EPHB2: variants seen among roughly 807,000 people sequenced by gnomAD.
EPHB2 encodes the protein EPH receptor B2, also known as ephrin type-B receptor 2.
A neutral mutation model predicts 96.4 loss-of-function variants in EPHB2; 18 were observed. The observed-to-expected ratio is 0.19, with a 90% CI of 0.13 to 0.28. The LOEUF (loss-of-function observed/expected upper bound fraction) is 0.28. EPHB2 is among the 10% of genes least tolerant of loss of function. The pLI, the probability that EPHB2 is intolerant of heterozygous loss-of-function variation, is 1.00. For missense variants in EPHB2, 989 were observed against 1,355.4 expected (o/e 0.73, Z 4.25); for synonymous variants, 506 against 534.1 (o/e 0.95, Z 0.72).
chr1:22,767,553 A>G (rs906485440), intron 1 of EPHB2, among the ~76,000 whole-genome samples: 1 of 152,170 alleles, frequency 6.6e-6, no homozygotes, highest in African/African-American at 2.4e-5. Flanking sequence ...CTCAGGTGCT[A>G]TGCTGGGTGT....
At chr1:22,772,275 G>A (rs1282803185) in intron 1 of EPHB2, among the ~76,000 whole-genome samples, 1 of 152,186 alleles carries the variant, frequency 6.6e-6, no homozygotes, top group Non-Finnish European at 1.5e-5. Flanking sequence ...GCGGCAGGCA[G>A]GCAGGGGACA....
chr1:22,893,083 C>T (rs1212794532), intron 7 of EPHB2, 37 bp downstream of exon 7: 3 of 1,613,902 alleles, frequency 1.9e-6, no homozygotes, highest in South Asian at 1.1e-5. Context: ...AGGGCACAGA[C>T]TCCACAAACA....
intron 3 of EPHB2, among the ~76,000 whole-genome samples, chr1:22,812,737 C>T (rs901465347): frequency 5.3e-5 from 8 of 152,200 alleles, no homozygotes; most frequent in Non-Finnish European, 8.8e-5. Context: ...TTGGAGCAAG[C>T]CTGGTTAGAT....
intron 3 of EPHB2, among the ~76,000 whole-genome samples, chr1:22,792,811 A>ACTG (rs1430953044): frequency 1.3e-5 from 2 of 152,166 alleles, no homozygotes; most frequent in Admixed American, 1.3e-4. Flanking sequence ...TGACAGATAC[A>ACTG]TCTACAGACA....
chr1:22,764,039 ACG>A (rs1413677939), intron 1 of EPHB2, among the ~76,000 whole-genome samples: 5 of 152,082 alleles, frequency 3.3e-5, no homozygotes, highest in African/African-American at 1.2e-4. Flanking sequence ...CCCACATCTC[ACG>A]ATTCCTAATC....
chr1:22,727,267 C>T (rs1316638950), intron 1 of EPHB2, among the ~76,000 whole-genome samples: 3 of 152,380 alleles, frequency 2.0e-5, no homozygotes, highest in Non-Finnish European at 4.4e-5. Flanking sequence ...CAGCCAGCTA[C>T]TCCAGCAGTT....
At chr1:22,852,390 C>T (rs959246907) in intron 3 of EPHB2, among the ~76,000 whole-genome samples, 1 of 152,220 alleles carries the variant, frequency 6.6e-6, no homozygotes, top group African/African-American at 2.4e-5. Context: ...GGCAGCCACA[C>T]AACACTTGGA....
rs1638821215 is a variant in EPHB2, at chr1:22,875,869, T to G, written c.1304-6490T>G. Reference sequence around the variant, plus strand: ...ATCTCGGAGGAGTTGACATTTGAGCTGAGACTTCAATGAAGAGGAGGATTT... The same window carrying G: ...ATCTCGGAGGAGTTGACATTTGAGCGGAGACTTCAATGAAGAGGAGGATTT... On this transcript the variant is annotated intron_variant, in intron 5 of 15. Coordinates refer to ENST00000374630, the MANE Select transcript of EPHB2 (RefSeq NM_017449.5). The surrounding 1 kb of genome is among the most constrained non-coding windows in gnomAD (Gnocchi z 4.2). 6.6e-6 allele frequency among the ~76,000 whole-genome samples: 1 copy of G among 151,834 alleles called. No individual in the cohort carries two copies. The highest frequency in any genetic ancestry group is 2.4e-5 in the African/African-American group (1 of 41,314).
chr1:22,851,353 A>G (rs371102620), intron 3 of EPHB2, among the ~76,000 whole-genome samples: 3 of 152,196 alleles, frequency 2.0e-5, no homozygotes, highest in East Asian at 3.9e-4. Flanking sequence ...GGGCGACATG[A>G]GCTGATGGCT....
chr1:22,882,216 C>T lies in EPHB2; in HGVS notation c.1304-143C>T, dbSNP rs575010829. The T allele has an allele frequency of 1.2e-4, 178 of 1,447,862 alleles. No individual in the cohort carries two copies. The South Asian group carries it at 1.7e-3, about 14-fold the overall frequency. The allele number at this position is 1,447,862 out of a possible 1,614,324, so 89.7% of individuals were successfully genotyped here. On this transcript the variant is annotated intron_variant, in intron 5 of 15. Transcript: ENST00000374630. ...GCCCCTCTGCCCCCTGTCGGCTCCCCGAGACTGGCTCTGTGGCCTCAGCCA... is the reference window on the plus strand; with the variant it reads ...GCCCCTCTGCCCCCTGTCGGCTCCCTGAGACTGGCTCTGTGGCCTCAGCCA...
chr1:22,830,623 T>G (rs184151872), intron 3 of EPHB2, among the ~76,000 whole-genome samples: 8 of 152,300 alleles, frequency 5.3e-5, no homozygotes, highest in Admixed American at 3.3e-4. Flanking sequence ...AGTGGTGCAA[T>G]CTCAGCTCAC....
At chr1:22,822,159 A>G (rs1005546080) in intron 3 of EPHB2, among the ~76,000 whole-genome samples, 1 of 152,230 alleles carries the variant, frequency 6.6e-6, no homozygotes, top group African/African-American at 2.4e-5. Context: ...TTGAAAGGAC[A>G]CATCTAAAGC....
intron 3 of EPHB2, among the ~76,000 whole-genome samples, chr1:22,806,476 T>TGGACGGAC (rs543596023): frequency 1.4e-5 from 2 of 144,328 alleles, no homozygotes; most frequent in African/African-American, 5.1e-5. Flanking sequence ...GATGGATGGA[T>TGGACGGAC]GGACGGACGG....
rs71020453 is a variant in EPHB2, at chr1:22,819,205, G to GTCTCTCTCTCTCTCTCTC, written c.811+34157_811+34174dup. On this transcript the variant is annotated intron_variant, in intron 3 of 15. Transcript: ENST00000374630. ...TCCACAGCCTGGTCGCCCAGCAGAT[G>GTCTCTCTCTCTCTCTCTC]TCTCTCTCTCTCTCTCTCTCTCTCT... Among the ~76,000 whole-genome samples the GTCTCTCTCTCTCTCTCTC allele has an allele frequency of 2.3e-3, 233 of 103,458 alleles. 26 individuals carry two copies. Among genetic ancestry groups the GTCTCTCTCTCTCTCTCTC allele is most frequent in the East Asian group, 5.7e-3 (17 of 2,990 alleles). The allele number at this position is 103,458 out of a possible 152,430, so 67.9% of individuals were successfully genotyped here. A position where few individuals can be genotyped will look rare whatever the true frequency, so the allele number is the denominator to read the frequency against.
intron 3 of EPHB2, among the ~76,000 whole-genome samples, chr1:22,852,309 G>A (rs1645635302): frequency 6.6e-6 from 1 of 152,166 alleles, no homozygotes; most frequent in African/African-American, 2.4e-5. Flanking sequence ...CCATTTTGGG[G>A]AGGGGGTTCC....
Position 22,784,728 on chromosome 1 carries a change from C to G in EPHB2, c.463C>G (p.Arg155Gly). 1 of 1,612,938 alleles carries G rather than the reference C, an allele frequency of 6.2e-7. No individual in the cohort carries two copies. Among genetic ancestry groups the G allele is most frequent in the Non-Finnish European group, 8.5e-7 (1 of 1,179,196 alleles). ...CTTCTCCCAGGTGGACCTGGGTGGC[C>G]GCGTCATGAAAATCAACACCGAGGT... ...ESFSQVDLGG[R>G]VMKINTEVRS... The change falls in exon 3 of 16, where the codon CGC becomes GGC. Residue 155 changes from arginine to glycine, a missense_variant. Coordinates refer to ENST00000374630, the MANE Select transcript of EPHB2 (RefSeq NM_017449.5). The surrounding 1 kb of genome is among the most constrained non-coding windows in gnomAD (Gnocchi z 5.1).
chr1:22,867,502 G>A (rs1638517998), intron 5 of EPHB2, among the ~76,000 whole-genome samples: 1 of 152,054 alleles, frequency 6.6e-6, no homozygotes, highest in Non-Finnish European at 1.5e-5. Flanking sequence ...AGTTCTTTTG[G>A]GGCCCTGGGT....
intron 3 of EPHB2, among the ~76,000 whole-genome samples, chr1:22,801,764 C>T (rs989156560): frequency 6.6e-6 from 1 of 152,220 alleles, no homozygotes; most frequent in African/African-American, 2.4e-5. Context: ...TGGGCAGCCC[C>T]TCGTGGGGTC....
At chr1:22,882,995 C>T (rs964963807) in intron 6 of EPHB2, among the ~76,000 whole-genome samples, 2 of 152,324 alleles carry the variant, frequency 1.3e-5, no homozygotes, top group Non-Finnish European at 2.9e-5. Flanking sequence ...GCTTTTAAAT[C>T]AGACCTTAAT....
Sources: gnomAD v4.1 joint callset for allele counts (sites outside exome capture counted in the v4.1 genomes callset) on GRCh38, gnomAD v4.1.1 for gene constraint, Gnocchi (gnomAD v3.1) non-coding constraint, MANE v1.5 for transcripts, NCBI Gene and HGNC (gene_info 2026-07-23, HGNC 2026-07-21) for gene names.